Variants in DLGAP5 observed in about 807,000 individuals in gnomAD.
DLGAP5 encodes DLG associated protein 5, also known as disks large-associated protein 5.
A neutral mutation model predicts 99.6 loss-of-function variants in DLGAP5; 90 were observed. The ratio of observed to expected loss-of-function variants is 0.90; its 90% CI spans 0.76 to 1.08. The LOEUF is 1.08. Ranked by LOEUF, DLGAP5 falls within the 50% of genes least tolerant of loss-of-function variation. The probability of loss-of-function intolerance (pLI) is 0.00; values close to 1 mark genes in which losing one functional copy is unlikely to be tolerated. For missense variants in DLGAP5, 1,036 were observed against 983.5 expected, an observed-to-expected ratio of 1.05 and a Z score of -0.71; for synonymous variants, 311 against 321.3, an observed-to-expected ratio of 0.97 and a Z score of 0.34.
intron 17 of DLGAP5, 88 bp downstream of exon 17, chr14:55,151,607 T>C (rs1882021058): frequency 7.5e-7 from 1 of 1,337,944 alleles, no homozygotes; most frequent in Admixed American, 2.4e-5. Context: ...AGATCTAATG[T>C]AAAATGGACC....
chr14:55,172,721 C>T (rs1014494424), intron 10 of DLGAP5, among the ~76,000 whole-genome samples: 3 of 152,010 alleles, frequency 2.0e-5, no homozygotes, highest in South Asian at 2.1e-4. Context: ...CGGTGGCTCT[C>T]GCCTGTAATA....
intron 14 of DLGAP5, among the ~76,000 whole-genome samples, chr14:55,155,069 C>A (rs1882160592): frequency 6.6e-6 from 1 of 152,194 alleles, no homozygotes; most frequent in Non-Finnish European, 1.5e-5. Context: ...GTCACCCAGG[C>A]TGGAGTGCAG....
chr14:55,174,745 C>A (rs1480748280), intron 10 of DLGAP5, among the ~76,000 whole-genome samples: 1 of 151,508 alleles, frequency 6.6e-6, no homozygotes, highest in Non-Finnish European at 1.5e-5. Context: ...GGCTGGAGTG[C>A]AGTGGTGCAA....
At chr14:55,162,826 T>G in intron 13 of DLGAP5, 145 bp downstream of exon 13, 1 of 453,700 alleles carries the variant, frequency 2.2e-6, no homozygotes, top group Non-Finnish European at 3.8e-6. Flanking sequence ...AGACTTAACT[T>G]TGTAAAATAA....
rs201634678 is a variant in DLGAP5, at chr14:55,165,541, AC to A, written c.1549-2467del. Reference sequence around the variant, plus strand: ...CCTGACTTAAAAAACAAAAAAAAAAACCCCAAAAAAACCCTACAATGAGATA... The same window carrying A: ...CCTGACTTAAAAAACAAAAAAAAAAACCCAAAAAAACCCTACAATGAGATA... On this transcript the variant is annotated intron_variant, in intron 12 of 18. Coordinates refer to ENST00000247191, the MANE Select transcript of DLGAP5 (RefSeq NM_014750.5). 2.5e-3 allele frequency among the ~76,000 whole-genome samples: 384 copies of A among 150,924 alleles called. 2 individuals carry two copies. The highest frequency in any genetic ancestry group is 3.6e-3 in the Non-Finnish European group (244 of 67,802).
chr14:55,155,699 G>T (rs775449241), intron 14 of DLGAP5, among the ~76,000 whole-genome samples: 3 of 152,084 alleles, frequency 2.0e-5, no homozygotes, highest in Admixed American at 1.3e-4. Flanking sequence ...AACTAAAGAA[G>T]AGATAGCAAC....
At chr14:55,156,109 A>T (rs993024357) in intron 14 of DLGAP5, among the ~76,000 whole-genome samples, 2 of 152,092 alleles carry the variant, frequency 1.3e-5, no homozygotes, top group African/African-American at 4.8e-5. Context: ...AAAAGAAAGA[A>T]AAATGAGAAT....
chr14:55,163,723 T>C (rs1300864996), intron 12 of DLGAP5, among the ~76,000 whole-genome samples: 1 of 152,228 alleles, frequency 6.6e-6, no homozygotes, highest in East Asian at 1.9e-4. Context: ...TGTTCCCTAG[T>C]AGGTATGTGG....
chr14:55,172,961 A>AACAGAG (rs1319238300), intron 10 of DLGAP5, among the ~76,000 whole-genome samples: 1 of 147,752 alleles, frequency 6.8e-6, no homozygotes. Flanking sequence ...CGGCCTGGGC[A>AACAGAG]ACAGAGCGAG....
Position 55,183,757 on chromosome 14 carries a change from G to C in DLGAP5, c.239-4C>G. On this transcript the variant is annotated splice_polypyrimidine_tract_variant and splice_region_variant and intron_variant, in intron 2 of 18. Transcript: ENST00000247191. ...CCTAGAATAGTTTTCATTGCCCCTA[G>C]GCAGAAAAAAAACCAAAACCACACA... is the stretch of plus-strand genomic sequence containing the variant. 6.4e-7 allele frequency: 1 copy of C among 1,557,208 alleles called. No individual in the cohort carries two copies. Among genetic ancestry groups the C allele is most frequent in the Non-Finnish European group, 8.6e-7 (1 of 1,157,490 alleles).
chr14:55,190,908 A>G (rs967331994), intron 1 of DLGAP5, among the ~76,000 whole-genome samples: 6 of 152,246 alleles, frequency 3.9e-5, no homozygotes, highest in Admixed American at 3.9e-4. Context: ...AGAAAGAGCG[A>G]GCGAGGACAA....
chr14:55,183,949 T>C (rs1482845808), intron 2 of DLGAP5, among the ~76,000 whole-genome samples, 196 bp from the exon 3 acceptor site: 1 of 152,116 alleles, frequency 6.6e-6, no homozygotes, highest in Non-Finnish European at 1.5e-5. Flanking sequence ...GGTCAGGAGT[T>C]TGAGACCAGC....
chr14:55,167,349 T>C (rs1195292879), intron 12 of DLGAP5, among the ~76,000 whole-genome samples: 1 of 151,324 alleles, frequency 6.6e-6, no homozygotes, highest in African/African-American at 2.4e-5. Context: ...AATCTAACAA[T>C]CAGAATTGAA....
Position 55,150,857 on chromosome 14 carries a change from CAACA to C in DLGAP5, c.2369-13_2369-10del. ...TTTATTATCAAATAGTTCTGAAAAACAACAAAAAAAAACTTTTTAAAGAATATTC... is the reference window on the plus strand; with the variant it reads ...TTTATTATCAAATAGTTCTGAAAAACAAAAAAAACTTTTTAAAGAATATTC... On this transcript the variant is annotated splice_polypyrimidine_tract_variant and intron_variant, in intron 17 of 18. Transcript: ENST00000247191. 1 of 1,537,026 alleles carries C rather than the reference CAACA, an allele frequency of 6.5e-7. No homozygotes were observed. The highest frequency in any genetic ancestry group is 8.7e-7 in the Non-Finnish European group (1 of 1,143,896).
At position 55,158,505 on chromosome 14, in the gene DLGAP5, A is replaced by T; in HGVS notation, c.1873+17T>A. Reference sequence around the variant, plus strand: ...CTCAGGAAAAACAAAAAAAATAAAAAATCAAAAACAACTAACCTGAGAATA... The same window carrying T: ...CTCAGGAAAAACAAAAAAAATAAAATATCAAAAACAACTAACCTGAGAATA... On this transcript the variant is annotated intron_variant, in intron 14 of 18. Transcript: ENST00000247191. 1 of 1,599,696 alleles carries T rather than the reference A, an allele frequency of 6.3e-7. No individual in the cohort carries two copies. Among genetic ancestry groups the T allele is most frequent in the Admixed American group, 1.7e-5 (1 of 57,632 alleles).
At position 55,180,651 on chromosome 14, in the gene DLGAP5, C is replaced by T; in HGVS notation, c.703+5G>A. 7.4e-6 allele frequency: 12 copies of T among 1,614,086 alleles called. No individual in the cohort carries two copies. Among genetic ancestry groups the T allele is most frequent in the Non-Finnish European group, 1.0e-5 (12 of 1,179,976 alleles). ...TTCAGTCACTGATCAAGGAATAGTT[C>T]TCACCATTAGCAGCTCTTGTGACTG... On this transcript the variant is annotated splice_donor_5th_base_variant and intron_variant, in intron 6 of 18. Coordinates refer to ENST00000247191, the MANE Select transcript of DLGAP5 (RefSeq NM_014750.5).
At chr14:55,149,725 G>A (rs1209829901) in intron 18 of DLGAP5, among the ~76,000 whole-genome samples, 2 of 150,650 alleles carry the variant, frequency 1.3e-5, no homozygotes, top group African/African-American at 4.8e-5. Context: ...AGAAAAAAAT[G>A]ACAAATCCCT....
Position 55,151,766 on chromosome 14 carries a change from CTCATCAAAACA to C in DLGAP5, c.2286_2296del (p.Asp762GlufsTer2). On this transcript the variant is annotated frameshift_variant, in exon 17 of 19. Coordinates refer to ENST00000247191, the MANE Select transcript of DLGAP5 (RefSeq NM_014750.5). LOFTEE classifies it high-confidence loss of function. ...TGAAGCTGTATTTTTTTCAGGGCTACTCATCAAAACATCCTGTGATGTAATTGAAGAATTCA... is the reference window on the plus strand; with the variant it reads ...TGAAGCTGTATTTTTTTCAGGGCTACTCCTGTGATGTAATTGAAGAATTCA... 6.2e-7 allele frequency: 1 copy of C among 1,613,818 alleles called. No individual in the cohort carries two copies. The highest frequency in any genetic ancestry group is 1.1e-5 in the South Asian group (1 of 91,066).
Position 55,181,089 on chromosome 14 carries a change from TG to T in DLGAP5, c.580+123del, listed in dbSNP as rs1464057747. ...ATGATTGTGCCACTGCACTCCAACC[TG>T]GGCAACAGAGCAAGACTCTGTCACA... On this transcript the variant is annotated intron_variant, in intron 5 of 18. Transcript: ENST00000247191. The T allele has an allele frequency of 5.2e-6, 5 of 966,966 alleles. No individual in the cohort carries two copies. The African/African-American group carries it at 8.2e-5, about 16-fold the overall frequency. The allele number at this position is 966,966 out of a possible 1,614,324, so 59.9% of individuals were successfully genotyped here.
Sources: allele counts gnomAD v4.1 joint callset (sites outside exome capture counted in the v4.1 genomes callset), GRCh38; gene constraint gnomAD v4.1.1; transcripts MANE v1.5; gene names NCBI Gene and HGNC (gene_info 2026-07-23, HGNC 2026-07-21).